ASCC1: variants seen among roughly 807,000 people sequenced by gnomAD.
The protein encoded by ASCC1 is ASC-1 complex subunit P50.
ASCC1 carries 35 observed loss-of-function variants against 46.6 expected under a neutral mutation model. The ratio of observed to expected loss-of-function variants is 0.75; its 90% CI spans 0.57 to 0.99. The LOEUF is 0.99. Among genes scored for constraint, ASCC1 ranks in the 50% least tolerant of loss-of-function variants. The probability of loss-of-function intolerance (pLI) is 0.00; values close to 1 mark genes in which losing one functional copy is unlikely to be tolerated. For synonymous variants in ASCC1, 143 were observed against 146.6 expected, an observed-to-expected ratio of 0.98 and a Z score of 0.18; for missense variants, 376 against 428.7, an observed-to-expected ratio of 0.88 and a Z score of 1.09.
At chr10:72,135,275 A>T (rs568639013) in intron 7 of ASCC1, among the ~76,000 whole-genome samples, 1 of 152,272 alleles carries the variant, frequency 6.6e-6, no homozygotes, top group African/African-American at 2.4e-5. Context: ...GGAGGAATGA[A>T]CAAACACACA....
At chr10:72,172,889 A>G (rs1851383811) in intron 5 of ASCC1, among the ~76,000 whole-genome samples, 1 of 131,086 alleles carries the variant, frequency 7.6e-6, no homozygotes, top group Non-Finnish European at 1.6e-5. Context: ...ATATTTTTAT[A>G]TTATATATAT....
In ASCC1 at chr10:72,113,360, A is replaced by C. The variant is rs142568126; in HGVS notation, c.957+14722T>G. 2.2e-3 allele frequency among the ~76,000 whole-genome samples: 334 copies of C among 152,342 alleles called. 1 individual carries two copies. The highest frequency in any genetic ancestry group is 4.0e-3 in the Admixed American group (61 of 15,308). Reference sequence around the variant, plus strand: ...CAAAGAGGAATAACCTGTGAACATGAATTCAAAAGAGAGCAAAGGTATTTT... The same window carrying C: ...CAAAGAGGAATAACCTGTGAACATGCATTCAAAAGAGAGCAAAGGTATTTT... On this transcript the variant is annotated intron_variant, in intron 9 of 9. Coordinates refer to ENST00000672957, the MANE Select transcript of ASCC1 (RefSeq NM_001198800.3).
chr10:72,135,739 C>A (rs1846104036), intron 7 of ASCC1, among the ~76,000 whole-genome samples: 1 of 152,120 alleles, frequency 6.6e-6, no homozygotes, highest in Admixed American at 6.5e-5. Flanking sequence ...GAGGCTGTGG[C>A]AATCACCCAG....
intron 7 of ASCC1, among the ~76,000 whole-genome samples, chr10:72,151,387 T>C (rs748340229): frequency 6.7e-6 from 1 of 150,274 alleles, no homozygotes; most frequent in African/African-American, 2.5e-5. Context: ...TAGGTGGGAA[T>C]TGAACAATGA....
chr10:72,097,278 C>G lies in ASCC1; in HGVS notation c.*56G>C. ...CTGCTTGGCAATTAAAACGAAGACA[C>G]TTTTCTTCAGCACCTGGTGAAGATG... On this transcript the variant is annotated 3_prime_UTR_variant, in exon 10 of 10. Transcript: ENST00000672957. 1.6e-6 allele frequency: 2 copies of G among 1,249,176 alleles called. No homozygotes were observed. The highest frequency in any genetic ancestry group is 2.4e-6 in the Non-Finnish European group (2 of 850,506). The allele number at this position is 1,249,176 out of a possible 1,614,324, so 77.4% of individuals were successfully genotyped here.
intron 5 of ASCC1, among the ~76,000 whole-genome samples, chr10:72,177,034 T>G (rs1851942500): frequency 6.6e-6 from 1 of 152,002 alleles, no homozygotes; most frequent in African/African-American, 2.4e-5. Context: ...TCCCACACCC[T>G]AGAGTATGGG....
chr10:72,109,238 A>G (rs1475678462), intron 9 of ASCC1, among the ~76,000 whole-genome samples: 3 of 152,206 alleles, frequency 2.0e-5, no homozygotes, highest in Non-Finnish European at 4.4e-5. Flanking sequence ...CTCTATTAGG[A>G]GAGCAGCAAA....
chr10:72,126,795 A>C (rs1417625747), intron 9 of ASCC1, among the ~76,000 whole-genome samples: 2 of 152,228 alleles, frequency 1.3e-5, no homozygotes, highest in African/African-American at 4.8e-5. Flanking sequence ...GCCTGGAAAA[A>C]ACAGTAAAGT....
intron 5 of ASCC1, among the ~76,000 whole-genome samples, chr10:72,194,593 G>C (rs1023086011): frequency 6.8e-6 from 1 of 147,466 alleles, no homozygotes; most frequent in Admixed American, 6.6e-5. Context: ...TAACCCACTA[G>C]TGCAGAAAAA....
At chr10:72,154,843 A>T (rs559529708) in intron 6 of ASCC1, among the ~76,000 whole-genome samples, 1 of 152,300 alleles carries the variant, frequency 6.6e-6, no homozygotes, top group South Asian at 2.1e-4. Flanking sequence ...GTACCAAAAG[A>T]TTGGCAACAG....
chr10:72,134,955 C>T (rs947595025), intron 7 of ASCC1, among the ~76,000 whole-genome samples: 3 of 152,096 alleles, frequency 2.0e-5, no homozygotes, highest in Admixed American at 1.3e-4. Flanking sequence ...AATCTTCTGA[C>T]GGAGGAGCCA....
chr10:72,106,582 A>C (rs1842368559), intron 9 of ASCC1, among the ~76,000 whole-genome samples: 1 of 151,510 alleles, frequency 6.6e-6, no homozygotes, highest in Non-Finnish European at 1.5e-5. Flanking sequence ...TTAACCACCT[A>C]CCTCCCTATG....
chr10:72,106,373 A>C (rs1202262834), intron 9 of ASCC1, among the ~76,000 whole-genome samples: 3 of 152,204 alleles, frequency 2.0e-5, no homozygotes, highest in African/African-American at 7.2e-5. Context: ...TTTCTCTCTA[A>C]GAAAGGATGC....
intron 9 of ASCC1, among the ~76,000 whole-genome samples, chr10:72,126,152 A>G (rs919373567): frequency 6.6e-5 from 10 of 152,206 alleles, no homozygotes; most frequent in Admixed American, 5.2e-4. Flanking sequence ...GAGGCAGCAG[A>G]AAATAATGCT....
intron 7 of ASCC1, among the ~76,000 whole-genome samples, chr10:72,136,028 T>C (rs977069865): frequency 6.6e-6 from 1 of 152,186 alleles, no homozygotes; most frequent in African/African-American, 2.4e-5. Context: ...TGTTGTTGTT[T>C]TTCTTTTTTT....
At chr10:72,197,343 G>A (rs970799799) in intron 4 of ASCC1, among the ~76,000 whole-genome samples, 1 of 151,572 alleles carries the variant, frequency 6.6e-6, no homozygotes, top group Non-Finnish European at 1.5e-5. Context: ...GGTGGCGGGC[G>A]CCTGTAGTCC....
chr10:72,190,702 A>G (rs1313404085), intron 5 of ASCC1: 1 of 628,668 alleles, frequency 1.6e-6, no homozygotes, highest in Non-Finnish European at 2.7e-6. Context: ...TCAAATTAAG[A>G]CAGTTAAAGT....
At chr10:72,200,251 T>C (rs375016213) in intron 4 of ASCC1, among the ~76,000 whole-genome samples, 2 of 152,188 alleles carry the variant, frequency 1.3e-5, no homozygotes, top group African/African-American at 4.8e-5. Context: ...CAAGTGTTAA[T>C]AGCAATTATG....
At chr10:72,122,083 G>A (rs1844270201) in intron 9 of ASCC1, among the ~76,000 whole-genome samples, 1 of 152,168 alleles carries the variant, frequency 6.6e-6, no homozygotes, top group South Asian at 2.1e-4. Flanking sequence ...ACTTGAAAGT[G>A]ATAACAAAGA....
Sources: gnomAD v4.1 joint callset for allele counts (sites outside exome capture counted in the v4.1 genomes callset) on GRCh38, gnomAD v4.1.1 for gene constraint, MANE v1.5 for transcripts, NCBI Gene and HGNC (gene_info 2026-07-23, HGNC 2026-07-21) for gene names.